JAK1: variants seen among roughly 807,000 people sequenced by gnomAD.
JAK1 encodes the protein tyrosine-protein kinase JAK1.
In JAK1, 16 loss-of-function variants were observed where a neutral mutation model predicts 136.6. The ratio of observed to expected loss-of-function variants is 0.12; its 90% CI spans 0.08 to 0.18. The LOEUF is 0.18. Ranked by LOEUF, JAK1 falls within the 10% of genes least tolerant of loss-of-function variation. The pLI is 1.00. For synonymous variants in JAK1, 492 were observed against 519.5 expected, an observed-to-expected ratio of 0.95 and a Z score of 0.72; for missense variants, 859 against 1,450.1, an observed-to-expected ratio of 0.59 and a Z score of 6.62.
intron 1 of JAK1, among the ~76,000 whole-genome samples, chr1:65,051,146 T>C (rs1006556034): frequency 6.6e-6 from 1 of 151,818 alleles, no homozygotes; most frequent in South Asian, 2.1e-4. Context: ...ATTAGACTAG[T>C]GCTATTAGAA....
At position 64,873,439 on chromosome 1, in the gene JAK1, G is replaced by A. The variant is rs35237903; in HGVS notation, c.414C>T (p.Tyr138=). The A allele has an allele frequency of 1.5e-3, 2,401 of 1,614,122 alleles. 16 individuals are homozygous for A. The highest frequency in any genetic ancestry group is 8.8e-3 in the South Asian group (800 of 91,086). ...RHSPKKQKNG[Y]EKKKIPDATP... is the part of the protein sequence containing the mutation. ...TTGCATCTGGAATCTTTTTTTTCTC[G>A]TAGCCATTTTTCTGCTTCTTTGGAG... The change falls in exon 5 of 25, where the codon TAC becomes TAT. Residue 138 remains tyrosine, a synonymous_variant. Coordinates refer to ENST00000342505, the MANE Select transcript of JAK1 (RefSeq NM_002227.4).
intron 2 of JAK1, among the ~76,000 whole-genome samples, chr1:65,039,442 A>G (rs186590283): frequency 4.0e-4 from 61 of 152,314 alleles, no homozygotes; most frequent in Admixed American, 1.3e-3. Context: ...CCTCACCACC[A>G]TCTTTCTAGT....
intron 1 of JAK1, among the ~76,000 whole-genome samples, chr1:64,924,310 G>C (rs1249153704): frequency 2.0e-5 from 3 of 152,202 alleles, no homozygotes; most frequent in African/African-American, 7.2e-5. Flanking sequence ...TGGAATTACA[G>C]GTTCTAGGTT....
At chr1:64,864,468 C>T (rs1656570742) in intron 8 of JAK1, among the ~76,000 whole-genome samples, 1 of 152,232 alleles carries the variant, frequency 6.6e-6, no homozygotes, top group Non-Finnish European at 1.5e-5. Context: ...TGGGAGGAAA[C>T]ACTGACATTC....
At chr1:64,900,931 A>G (rs1570736244) in intron 1 of JAK1, among the ~76,000 whole-genome samples, 1 of 152,104 alleles carries the variant, frequency 6.6e-6, no homozygotes, top group East Asian at 1.9e-4. Context: ...CTCATCCTTC[A>G]GTTCCTAGCT....
intron 1 of JAK1, among the ~76,000 whole-genome samples, chr1:64,912,936 T>C (rs1409933059): frequency 6.6e-6 from 1 of 152,204 alleles, no homozygotes; most frequent in East Asian, 1.9e-4. Context: ...TATTTATTAC[T>C]CTCTAGCTGT....
At chr1:64,990,919 C>CAAAAAAAA (rs1173485942) in intron 2 of JAK1, 32 of 42,902 alleles carry the variant, frequency 7.5e-4, no homozygotes, top group East Asian at 1.6e-3. Context: ...GACTCCGTCT[C>CAAAAAAAA]AAAAAAAAAA....
intron 2 of JAK1, among the ~76,000 whole-genome samples, chr1:64,975,718 C>T (rs765298477): frequency 2.6e-5 from 4 of 152,166 alleles, no homozygotes; most frequent in Non-Finnish European, 4.4e-5. Context: ...TGCAGTCATA[C>T]CCTTCTCAGG....
At chr1:64,974,993 T>TCCCAGGTTCAAGCAATTCTC (rs1398161733) in intron 2 of JAK1, among the ~76,000 whole-genome samples, 3 of 152,054 alleles carry the variant, frequency 2.0e-5, no homozygotes, top group Non-Finnish European at 4.4e-5. Flanking sequence ...CACTGCAACC[T>TCCCAGGTTCAAGCAATTCTC]CTGCCTCCCA....
At chr1:64,849,459 G>A (rs1655448961) in intron 12 of JAK1, among the ~76,000 whole-genome samples, 1 of 152,192 alleles carries the variant, frequency 6.6e-6, no homozygotes, top group African/African-American at 2.4e-5. Flanking sequence ...GCCTCTCAAA[G>A]CGCTGGGACG....
chr1:64,979,021 T>C (rs140909325), intron 2 of JAK1, among the ~76,000 whole-genome samples: 1 of 152,324 alleles, frequency 6.6e-6, no homozygotes, highest in Non-Finnish European at 1.5e-5. Context: ...CACGAAATCA[T>C]GTATGCATTT....
At chr1:64,932,344 C>T (rs1237867763) in intron 1 of JAK1, among the ~76,000 whole-genome samples, 4 of 151,998 alleles carry the variant, frequency 2.6e-5, no homozygotes, top group African/African-American at 4.8e-5. Context: ...ACCAGGGAGT[C>T]GGATGTTGCA....
intron 1 of JAK1, among the ~76,000 whole-genome samples, chr1:64,928,189 T>C (rs1313073125): frequency 2.0e-5 from 3 of 152,146 alleles, no homozygotes; most frequent in African/African-American, 7.2e-5. Flanking sequence ...GTGCTTATGA[T>C]AATACAAAAA....
chr1:64,895,907 T>C (rs563672618), intron 1 of JAK1, among the ~76,000 whole-genome samples: 7 of 152,372 alleles, frequency 4.6e-5, no homozygotes, highest in African/African-American at 1.4e-4. Context: ...ATCCATTCTG[T>C]GTACCTTGCA....
intron 1 of JAK1, among the ~76,000 whole-genome samples, chr1:64,935,950 C>G (rs529282694): frequency 6.6e-6 from 1 of 152,260 alleles, no homozygotes; most frequent in African/African-American, 2.4e-5. Context: ...TGTCTCAACA[C>G]CTAGGACAGC....
intron 5 of JAK1, among the ~76,000 whole-genome samples, chr1:64,872,833 T>G (rs896495190): frequency 6.6e-6 from 1 of 152,180 alleles, no homozygotes; most frequent in African/African-American, 2.4e-5. Flanking sequence ...GTATCTAAAT[T>G]TGCATGTTAA....
In JAK1 at chr1:65,018,491, C is replaced by CACACACACACACAA. The variant is rs1195025990; in HGVS notation, c.-78+25988_-78+25989insTTGTGTGTGTGTGT. 1.5e-3 allele frequency among the ~76,000 whole-genome samples: 219 copies of CACACACACACACAA among 141,618 alleles called. 2 individuals carry two copies. The highest frequency in any genetic ancestry group is 4.7e-3 in the African/African-American group (166 of 35,590). The allele number at this position is 141,618 out of a possible 152,430, so 92.9% of individuals were successfully genotyped here. ...GAGAGAGAGAGAGAGAGAGAGAACA[C>CACACACACACACAA]ACACACACACACACACACACACACA... On this transcript the variant is annotated intron_variant, in intron 2 of 25. Transcript: ENST00000671954.
intron 1 of JAK1, chr1:65,057,663 T>C (rs1204007085): frequency 6.5e-6 from 1 of 154,690 alleles, no homozygotes; most frequent in African/African-American, 2.4e-5. Context: ...CACTCCCGTG[T>C]GGGCAACAAA....
At chr1:64,868,014 G>C (rs748154506) in intron 6 of JAK1, among the ~76,000 whole-genome samples, 1 of 150,866 alleles carries the variant, frequency 6.6e-6, no homozygotes, top group Non-Finnish European at 1.5e-5. Flanking sequence ...ACAAAAAAGA[G>C]AGAGAGAGAG....
Sources: gnomAD v4.1 joint callset for allele counts (sites outside exome capture counted in the v4.1 genomes callset) on GRCh38, gnomAD v4.1.1 for gene constraint, MANE v1.5 for transcripts, NCBI Gene and HGNC (gene_info 2026-07-23, HGNC 2026-07-21) for gene names.